The following RBBP5 variants were observed in gnomAD, a reference collection of about 807,000 sequenced individuals.
The protein encoded by RBBP5 is retinoblastoma-binding protein 5.
RBBP5 carries 5 observed loss-of-function variants against 72.2 expected under a neutral mutation model. The ratio of observed to expected loss-of-function variants is 0.07; its 90% CI spans 0.04 to 0.15. The LOEUF is 0.15. RBBP5 is among the 10% of genes least tolerant of loss of function. RBBP5 has a pLI of 1.00. For synonymous variants in RBBP5, 209 were observed against 237.2 expected (o/e 0.88, Z 1.09); for missense variants, 322 against 652.2 (o/e 0.49, Z 5.51).
intron 11 of RBBP5, 133 bp from the exon 12 acceptor site, chr1:205,097,044 G>T (rs754186138): frequency 3.4e-5 from 26 of 768,596 alleles, no homozygotes; most frequent in African/African-American, 7.0e-5. Context: ...AAGCCAAGAA[G>T]AATAAAAGGG....
chr1:205,112,828 A>T (rs959037971), intron 3 of RBBP5, among the ~76,000 whole-genome samples: 1 of 152,244 alleles, frequency 6.6e-6, no homozygotes. Context: ...TTAAAAAATC[A>T]TATCTAGAAA....
At chr1:205,114,229 T>G (rs888934669) in intron 3 of RBBP5, among the ~76,000 whole-genome samples, 4 of 152,238 alleles carry the variant, frequency 2.6e-5, no homozygotes, top group African/African-American at 9.6e-5. Flanking sequence ...TAGGTCCTTT[T>G]GTTGGCCCCA....
At chr1:205,108,335 A>G (rs1384124793) in intron 3 of RBBP5, among the ~76,000 whole-genome samples, 1 of 152,216 alleles carries the variant, frequency 6.6e-6, no homozygotes, top group Non-Finnish European at 1.5e-5. Context: ...ATGTATGTAG[A>G]GCAAATATTT....
chr1:205,114,002 G>A (rs1341185520), intron 3 of RBBP5, among the ~76,000 whole-genome samples: 1 of 152,096 alleles, frequency 6.6e-6, no homozygotes, highest in Non-Finnish European at 1.5e-5. Flanking sequence ...AATCTTTATT[G>A]CAAGAATACA....
chr1:205,100,349 G>A, intron 6 of RBBP5, 78 bp from the exon 7 acceptor site: 2 of 1,521,658 alleles, frequency 1.3e-6, no homozygotes, highest in South Asian at 2.4e-5. Flanking sequence ...AATAAACTAG[G>A]GAAGAATTGA....
chr1:205,102,716 A>G (rs1194421037), intron 5 of RBBP5, among the ~76,000 whole-genome samples: 2 of 152,176 alleles, frequency 1.3e-5, no homozygotes, highest in African/African-American at 4.8e-5. Flanking sequence ...TTTCTAGGCC[A>G]GGCGCGGTGG....
chr1:205,105,089 A>C lies in RBBP5; in HGVS notation c.298T>G (p.Cys100Gly). 1 of 1,614,100 alleles carries C rather than the reference A, an allele frequency of 6.2e-7. No individual in the cohort carries two copies. Among genetic ancestry groups the C allele is most frequent in the Non-Finnish European group, 8.5e-7 (1 of 1,180,010 alleles). Reference protein sequence around the residue: ...VSQWDVLSGDCDQRFRFPSPI... With the variant: ...VSQWDVLSGDGDQRFRFPSPI... The stretch of plus-strand genomic sequence containing the variant: ...GAAGGGAATCGAAACCTCTGGTCAC[A>C]GTCGCCTGAAAGAACATCCCACTGT... Residue 100 changes from cysteine (C) to glycine (G), a missense_variant, in exon 4 of 14, where the codon TGT (cysteine) becomes GGT (glycine). Transcript: ENST00000264515.
intron 1 of RBBP5, among the ~76,000 whole-genome samples, chr1:205,119,251 C>G (rs1656645706): frequency 6.6e-6 from 1 of 151,894 alleles, no homozygotes; most frequent in Non-Finnish European, 1.5e-5. Flanking sequence ...AAAATATAGC[C>G]AGGTGTGGTG....
intron 13 of RBBP5, among the ~76,000 whole-genome samples, chr1:205,093,517 TATATATATATATATATACACAC>T (rs1558570447): frequency 1.8e-3 from 30 of 16,560 alleles, no homozygotes; most frequent in African/African-American, 0.012. Context: ...TATATATATA[TATATATATATATATATACACAC>T]ACACACACAC....
At chr1:205,102,060 CTAATT>C (rs1326368582) in intron 5 of RBBP5, among the ~76,000 whole-genome samples, 1 of 152,094 alleles carries the variant, frequency 6.6e-6, no homozygotes, top group Non-Finnish European at 1.5e-5. Flanking sequence ...CGACGCCTGG[CTAATT>C]TTGTATTTTT....
At chr1:205,097,186 T>C (rs1354413125) in intron 11 of RBBP5, 140 bp downstream of exon 11, 2 of 859,810 alleles carry the variant, frequency 2.3e-6, no homozygotes, top group Non-Finnish European at 3.6e-6. Context: ...CTACATTGGA[T>C]TTCTTGTACA....
At chr1:205,117,875 T>A (rs1656587611) in intron 1 of RBBP5, among the ~76,000 whole-genome samples, 1 of 152,090 alleles carries the variant, frequency 6.6e-6, no homozygotes, top group Admixed American at 6.5e-5. Flanking sequence ...AATGCAATGA[T>A]GTTGGCTCCC....
rs1656495071 is a variant in RBBP5 at position 205,115,763 on chromosome 1, T to C, written c.45+95A>G. Reference sequence around the variant, plus strand: ...TATATTATCACACTTAATGCTTCTCTGTCAAAACACAAGGATCAAAAAGTA... The same window carrying C: ...TATATTATCACACTTAATGCTTCTCCGTCAAAACACAAGGATCAAAAAGTA... On this transcript the variant is annotated intron_variant, in intron 2 of 13. Transcript: ENST00000264515. The C allele has an allele frequency of 2.9e-6, 4 of 1,386,538 alleles. No homozygotes were observed. The South Asian group carries it at 6.4e-5, about 22-fold the overall frequency. 85.9% of individuals were successfully genotyped at this position (1,386,538 alleles called of 1,614,324 possible).
rs540799034 is a variant in RBBP5, at chr1:205,114,748, C to A, written c.218+41G>T. ...GATTTGCAAATATATAGTCATCATTCATTCTCCTCATATTTAAATATTAAT... is the reference window on the plus strand; with the variant it reads ...GATTTGCAAATATATAGTCATCATTAATTCTCCTCATATTTAAATATTAAT... On this transcript the variant is annotated intron_variant, in intron 3 of 13. Coordinates refer to ENST00000264515, the MANE Select transcript of RBBP5 (RefSeq NM_005057.4). 24 of 1,433,948 alleles carry A rather than the reference C, an allele frequency of 1.7e-5. No individual in the cohort carries two copies. In the Admixed American group the frequency reaches 2.2e-4, roughly 13 times the overall value. The allele number at this position is 1,433,948 out of a possible 1,614,324, so 88.8% of individuals were successfully genotyped here.
At chr1:205,116,016 GC>G in intron 1 of RBBP5, 133 bp from the exon 2 acceptor site, 1 of 1,575,136 alleles carries the variant, frequency 6.3e-7, no homozygotes, top group Non-Finnish European at 8.7e-7. Flanking sequence ...ATTCCATGAG[GC>G]CATACGGATT....
chr1:205,095,206 A>C (rs894346814), intron 12 of RBBP5, 142 bp from the exon 13 acceptor site: 13 of 837,038 alleles, frequency 1.6e-5, no homozygotes, highest in South Asian at 3.7e-5. Context: ...TTATTTCTAT[A>C]AGTATAAAAC....
intron 2 of RBBP5, among the ~76,000 whole-genome samples, chr1:205,115,245 T>C (rs1245732139): frequency 6.6e-6 from 1 of 152,198 alleles, no homozygotes; most frequent in African/African-American, 2.4e-5. Flanking sequence ...ATAACAGAAG[T>C]ATTTAAAAAG....
intron 3 of RBBP5, among the ~76,000 whole-genome samples, chr1:205,113,221 A>AT (rs759002275): frequency 3.9e-5 from 6 of 152,156 alleles, no homozygotes; most frequent in Middle Eastern, 3.4e-3. Flanking sequence ...ATTTTCCATG[A>AT]TTTTCTAGAA....
chr1:205,095,377 T>C (rs920608990), intron 12 of RBBP5, among the ~76,000 whole-genome samples: 1 of 152,142 alleles, frequency 6.6e-6, no homozygotes, highest in African/African-American at 2.4e-5. Flanking sequence ...TGAGTTTTTT[T>C]TGCAATTTTT....
Sources: gnomAD v4.1 joint callset for allele counts (sites outside exome capture counted in the v4.1 genomes callset) on GRCh38, gnomAD v4.1.1 for gene constraint, MANE v1.5 for transcripts, NCBI Gene and HGNC (gene_info 2026-07-23, HGNC 2026-07-21) for gene names.